Variants in CATSPERE observed in about 807,000 individuals in gnomAD.
CATSPERE encodes the protein cation channel sperm-associated auxiliary subunit epsilon.
Under a neutral mutation model 114.1 loss-of-function variants are expected in CATSPERE, and 93 were observed. The ratio of observed to expected loss-of-function variants is 0.81; its 90% CI spans 0.69 to 0.97. The LOEUF is 0.97. Ranked by LOEUF, CATSPERE falls within the 50% of genes least tolerant of loss-of-function variation. CATSPERE has a pLI of 0.00. For missense variants in CATSPERE, 1,058 were observed against 1,131.6 expected (o/e 0.93, Z 0.93); for synonymous variants, 341 against 384.1 (o/e 0.89, Z 1.31).
chr1:244,478,098 T>A, intron 4 of CATSPERE, 123 bp downstream of exon 4: 1 of 604,072 alleles, frequency 1.7e-6, no homozygotes, highest in East Asian at 3.2e-5. Flanking sequence ...TAGTATTAAT[T>A]GTTAACTATA....
intron 2 of CATSPERE, among the ~76,000 whole-genome samples, chr1:244,465,242 G>A (rs1248833429): frequency 6.6e-6 from 1 of 152,004 alleles, no homozygotes; most frequent in South Asian, 2.1e-4. Context: ...CACCATATTG[G>A]CCAGGCTGGT....
intron 4 of CATSPERE, among the ~76,000 whole-genome samples, chr1:244,478,217 AG>A: frequency 6.6e-6 from 1 of 152,314 alleles, no homozygotes; most frequent in East Asian, 1.9e-4. Context: ...TTTATTACTA[AG>A]TATGTTAAAG....
chr1:244,615,950 T>TAAA (rs35945015), intron 19 of CATSPERE, among the ~76,000 whole-genome samples: 11 of 115,768 alleles, frequency 9.5e-5, no homozygotes, highest in African/African-American at 2.6e-4. Flanking sequence ...CCCCATCTCC[T>TAAA]AAAAAAAAAA....
intron 17 of CATSPERE, among the ~76,000 whole-genome samples, chr1:244,601,109 A>C (rs923188343): frequency 2.6e-5 from 4 of 152,208 alleles, no homozygotes; most frequent in Middle Eastern, 3.2e-3. Context: ...GAAATTCTAG[A>C]CATGAAAATG....
At position 244,530,778 on chromosome 1, in the gene CATSPERE, A is replaced by C. The variant is rs573005271; in HGVS notation, c.536+12080A>C. On this transcript the variant is annotated intron_variant, in intron 8 of 21. Transcript: ENST00000366534. ...ATTGAGTTTTATTTGTACCTATTGT[A>C]AATAGGATTACTTTTTTATTTCTTT... 1.9e-4 allele frequency among the ~76,000 whole-genome samples: 29 copies of C among 152,260 alleles called. No individual in the cohort carries two copies. The East Asian group carries it at 4.8e-3, about 25-fold the overall frequency.
chr1:244,570,577 T>C (rs1437683598), intron 10 of CATSPERE, among the ~76,000 whole-genome samples: 3 of 152,260 alleles, frequency 2.0e-5, no homozygotes, highest in African/African-American at 7.2e-5. Flanking sequence ...AATTTTTCTC[T>C]GTGTGGCTTT....
intron 20 of CATSPERE, among the ~76,000 whole-genome samples, chr1:244,631,699 A>G (rs1224455976): frequency 6.6e-6 from 1 of 152,244 alleles, no homozygotes; most frequent in Non-Finnish European, 1.5e-5. Flanking sequence ...CATATGAAAA[A>G]ATGTTCAACA....
chr1:244,475,712 T>G (rs1669231918), intron 2 of CATSPERE, among the ~76,000 whole-genome samples: 2 of 151,808 alleles, frequency 1.3e-5, no homozygotes, highest in Non-Finnish European at 2.9e-5. Context: ...TATTTTTGTA[T>G]TTTTAGTAGA....
At chr1:244,514,099 A>C (rs3003288) in intron 7 of CATSPERE, among the ~76,000 whole-genome samples, 40 of 152,286 alleles carry the variant, frequency 2.6e-4, no homozygotes, top group Admixed American at 3.3e-4. Flanking sequence ...TTTAATTTTA[A>C]TGAAAGCTAT....
At chr1:244,582,356 G>GA (rs1207170065) in intron 12 of CATSPERE, among the ~76,000 whole-genome samples, 1 of 151,452 alleles carries the variant, frequency 6.6e-6, no homozygotes, top group Non-Finnish European at 1.5e-5. Flanking sequence ...TATTTTCTTG[G>GA]AAAAATAGCA....
At position 244,479,780 on chromosome 1, in the gene CATSPERE, G is replaced by A; in HGVS notation, c.322G>A (p.Val108Ile). The A allele has an allele frequency of 6.4e-7, 1 of 1,571,542 alleles. No individual in the cohort carries two copies. The highest frequency in any genetic ancestry group is 8.7e-7 in the Non-Finnish European group (1 of 1,147,860). ...SHTCFLWYYR[V>I]RHFFNNFTQL... ...TACTTGCTTTCTGTGGTACTATAGA[G>A]TTAGGTAAGTAATGCAGTACTGAAT... Residue 108 changes from valine to isoleucine, a missense_variant, in exon 5 of 22, where the codon GTT becomes ATT. This residue lies in a region of CATSPERE where 271 missense variants were observed against 225.9 expected (regional missense o/e 1.20). Transcript: ENST00000366534.
rs576447596 is a variant in CATSPERE, at chr1:244,469,139, G to A, written c.114+5183G>A. Among the ~76,000 whole-genome samples, 5 of 152,204 alleles carry A rather than the reference G, an allele frequency of 3.3e-5. No individual in the cohort carries two copies. The South Asian group carries it at 1.0e-3, about 32-fold the overall frequency. On this transcript the variant is annotated intron_variant, in intron 2 of 21. Coordinates refer to ENST00000366534, the MANE Select transcript of CATSPERE (RefSeq NM_001130957.2). ...TGACTACATTTAAGTTAATCATTGG[G>A]GAGGTTTATATGTAAGCTTGGTAAT...
chr1:244,596,388 C>G (rs1283932369), intron 17 of CATSPERE, among the ~76,000 whole-genome samples: 1 of 152,220 alleles, frequency 6.6e-6, no homozygotes, highest in Non-Finnish European at 1.5e-5. Flanking sequence ...AGCAGCCATT[C>G]TGCTGTACGC....
chr1:244,531,272 T>C (rs1000192181), intron 8 of CATSPERE, among the ~76,000 whole-genome samples: 1 of 151,308 alleles, frequency 6.6e-6, no homozygotes, highest in Admixed American at 6.6e-5. Context: ...TTGTATCTTC[T>C]GCAAGCAAGG....
intron 1 of CATSPERE, among the ~76,000 whole-genome samples, chr1:244,455,791 C>T (rs957744821): frequency 5.3e-5 from 8 of 151,730 alleles, no homozygotes; most frequent in Non-Finnish European, 1.2e-4. Context: ...ACCACAGACC[C>T]CGTTTTGGAA....
chr1:244,621,038 AAAT>A (rs1672045398), intron 20 of CATSPERE, among the ~76,000 whole-genome samples: 2 of 74,394 alleles, frequency 2.7e-5, no homozygotes, highest in African/African-American at 6.6e-5. Flanking sequence ...AATATATATA[AAAT>A]ATATATATAA....
chr1:244,599,069 A>G (rs1668818351), intron 17 of CATSPERE, among the ~76,000 whole-genome samples: 1 of 152,098 alleles, frequency 6.6e-6, no homozygotes, highest in South Asian at 2.1e-4. Context: ...GTCTGGGAAA[A>G]AGACTGGAGG....
chr1:244,576,382 C>T (rs1313865916), intron 11 of CATSPERE, among the ~76,000 whole-genome samples: 1 of 151,428 alleles, frequency 6.6e-6, no homozygotes, highest in East Asian at 2.0e-4. Context: ...GCTTGTTTCT[C>T]GGTACTGCAA....
At chr1:244,533,721 G>A (rs1368675639) in intron 8 of CATSPERE, among the ~76,000 whole-genome samples, 1 of 152,048 alleles carries the variant, frequency 6.6e-6, no homozygotes, top group Admixed American at 6.5e-5. Flanking sequence ...TACTGTCCAT[G>A]TCTTGAAAGT....
Sources: allele counts gnomAD v4.1 joint callset (sites outside exome capture counted in the v4.1 genomes callset), GRCh38; gene constraint gnomAD v4.1.1; regional missense constraint gnomAD v4.1.1; transcripts MANE v1.5; gene names NCBI Gene and HGNC (gene_info 2026-07-23, HGNC 2026-07-21).